C7orf33: variants seen among roughly 807,000 people sequenced by gnomAD.
C7orf33 encodes the protein uncharacterized protein C7orf33.
In C7orf33, 15 loss-of-function variants were observed where a neutral mutation model predicts 13.4. The ratio of observed to expected loss-of-function variants is 1.12; its 90% CI spans 0.75 to 1.72. The LOEUF is 1.72. C7orf33 is among the 40% of genes most tolerant of loss of function. The pLI is 0.00. For missense variants in C7orf33, 187 were observed against 220.3 expected, an observed-to-expected ratio of 0.85 and a Z score of 0.96; for synonymous variants, 73 against 83.2, an observed-to-expected ratio of 0.88 and a Z score of 0.67.
chr7:148,606,613 C>T (rs1585462808), intron 1 of C7orf33, among the ~76,000 whole-genome samples: 2 of 152,184 alleles, frequency 1.3e-5, no homozygotes, highest in East Asian at 3.8e-4. Flanking sequence ...GAGTCTTGCT[C>T]TGTTGCCCAG....
Position 148,590,839 on chromosome 7 carries a change from G to A in C7orf33, c.-87G>A. The A allele has an allele frequency of 1.6e-6, 2 of 1,233,946 alleles. No individual in the cohort carries two copies. The highest frequency in any genetic ancestry group is 2.4e-6 in the Non-Finnish European group (2 of 846,772). The allele number at this position is 1,233,946 out of a possible 1,614,324, so 76.4% of individuals were successfully genotyped here. A position where few individuals can be genotyped will look rare whatever the true frequency, so the allele number is the denominator to read the frequency against. ...TGTCTGAATCCTCCTACTGACCCTG[G>A]GGATCCGTGCGACTTGATCTTAGAT... On this transcript the variant is annotated 5_prime_UTR_variant, in exon 1 of 3. Transcript: ENST00000307003.
intron 1 of C7orf33, among the ~76,000 whole-genome samples, chr7:148,613,341 C>T (rs1796566331): frequency 6.6e-6 from 1 of 152,162 alleles, no homozygotes; most frequent in Admixed American, 6.5e-5. Flanking sequence ...AATATGTGTC[C>T]ACACAAAAGC....
intron 1 of C7orf33, among the ~76,000 whole-genome samples, chr7:148,595,936 T>C (rs1435797615): frequency 6.6e-6 from 1 of 151,496 alleles, no homozygotes; most frequent in African/African-American, 2.4e-5. Flanking sequence ...TTAACCATGA[T>C]CACAGATTAC....
rs184505375 is a variant in C7orf33, at chr7:148,614,203, A to T, written c.366A>T (p.Ser122=). ...IRPGTRMGLS[S]DPVVGTLSSS... ...CAGGCACCAGGATGGGCTTGTCCTC[A>T]GATCCAGTTGTCGGCACCTTGTCTT... Residue 122 remains serine, a synonymous_variant, in exon 2 of 3, where the codon TCA becomes TCT. Coordinates refer to ENST00000307003, the MANE Select transcript of C7orf33 (RefSeq NM_145304.4). 1 of 1,614,212 alleles carries T rather than the reference A, an allele frequency of 6.2e-7. No individual in the cohort carries two copies. Among genetic ancestry groups the T allele is most frequent in the Admixed American group, 1.7e-5 (1 of 60,022 alleles).
At chr7:148,595,407 TAG>T (rs1796320023) in intron 1 of C7orf33, among the ~76,000 whole-genome samples, 1 of 116,418 alleles carries the variant, frequency 8.6e-6, no homozygotes, top group Admixed American at 9.1e-5. Context: ...ATAGATAATA[TAG>T]ATCTATATTA....
At chr7:148,598,020 A>G (rs1796362301) in intron 1 of C7orf33, among the ~76,000 whole-genome samples, 1 of 152,116 alleles carries the variant, frequency 6.6e-6, no homozygotes, top group Admixed American at 6.5e-5. Context: ...CTCCAAAAGT[A>G]TTGGGATTAC....
In C7orf33 at chr7:148,610,008, T is replaced by A. The variant is rs114442036; in HGVS notation, c.205-4034T>A. Among the ~76,000 whole-genome samples the A allele has an allele frequency of 1.4e-3, 217 of 152,290 alleles. 2 individuals are homozygous for A. The highest frequency in any genetic ancestry group is 5.1e-3 in the African/African-American group (211 of 41,562). The stretch of plus-strand genomic sequence containing the variant: ...GCCTGATCCCAAATCCATTCTGAGC[T>A]GAGGCACTGTGTAACATCAGCAAAC... On this transcript the variant is annotated intron_variant, in intron 1 of 2. Coordinates refer to ENST00000307003, the MANE Select transcript of C7orf33 (RefSeq NM_145304.4).
chr7:148,598,763 T>TAGAGAG (rs774619392), intron 1 of C7orf33, among the ~76,000 whole-genome samples: 20 of 26,196 alleles, frequency 7.6e-4, no homozygotes, highest in South Asian at 2.0e-3. Flanking sequence ...TATATATATA[T>TAGAGAG]AGAGAGAGAG....
rs73480324 is a variant in C7orf33, at chr7:148,598,571, A to G, written c.204+7442A>G. 8.7e-3 allele frequency among the ~76,000 whole-genome samples: 1,314 copies of G among 151,378 alleles called. 17 individuals are homozygous for G. The highest frequency in any genetic ancestry group is 0.03 in the African/African-American group (1,253 of 41,286). ...TGTTGCATAATAAAGTTAATCTACA[A>G]CATTCTGGTGCAAGTTCTTCCTTCT... On this transcript the variant is annotated intron_variant, in intron 1 of 2. Coordinates refer to ENST00000307003, the MANE Select transcript of C7orf33 (RefSeq NM_145304.4).
At chr7:148,613,386 C>G (rs1020616112) in intron 1 of C7orf33, among the ~76,000 whole-genome samples, 7 of 152,168 alleles carry the variant, frequency 4.6e-5, no homozygotes, top group African/African-American at 1.7e-4. Flanking sequence ...CAGCATTATT[C>G]ATAATACTCA....
chr7:148,611,663 G>A (rs1796545159), intron 1 of C7orf33, among the ~76,000 whole-genome samples: 1 of 152,232 alleles, frequency 6.6e-6, no homozygotes, highest in African/African-American at 2.4e-5. Context: ...GGGAACAGAG[G>A]CTGTCACACT....
chr7:148,608,653 A>G (rs2116900943), intron 1 of C7orf33, among the ~76,000 whole-genome samples: 1 of 151,940 alleles, frequency 6.6e-6, no homozygotes, highest in East Asian at 1.9e-4. Context: ...CGTCTCTACT[A>G]AAAATGCAAT....
chr7:148,605,659 G>T (rs1483153499), intron 1 of C7orf33, among the ~76,000 whole-genome samples: 1 of 152,168 alleles, frequency 6.6e-6, no homozygotes, highest in African/African-American at 2.4e-5. Flanking sequence ...CAGAACCAGT[G>T]CAGAGCCCCC....
Position 148,591,114 on chromosome 7 carries a change from C to G in C7orf33, c.189C>G (p.Ala63=). 6.2e-7 allele frequency: 1 copy of G among 1,613,316 alleles called. No homozygotes were observed. Among genetic ancestry groups the G allele is most frequent in the South Asian group, 1.1e-5 (1 of 90,918 alleles). ...CAGGTCAATTTAACTTGTCATATGC[C>G]ACGGGAAGACATAAGGTAAGTTAAT... ...GGPGQFNLSY[A]TGRHKKPNPH... is the part of the protein sequence containing the mutation. Residue 63 remains alanine (A), a synonymous_variant, in exon 1 of 3, where the codon GCC becomes GCG. Coordinates refer to ENST00000307003, the MANE Select transcript of C7orf33 (RefSeq NM_145304.4).
intron 1 of C7orf33, among the ~76,000 whole-genome samples, chr7:148,613,834 G>C (rs6965357): frequency 6.6e-6 from 1 of 151,972 alleles, no homozygotes; most frequent in Non-Finnish European, 1.5e-5. Flanking sequence ...AATTAAAATG[G>C]TGTGTTTTAA....
At chr7:148,598,781 G>T (rs1265206878) in intron 1 of C7orf33, among the ~76,000 whole-genome samples, 312 of 123,200 alleles carry the variant, frequency 2.5e-3, no homozygotes, top group Non-Finnish European at 3.6e-3. Context: ...GAGAGAGAGA[G>T]AGAGAGAGAG....
intron 1 of C7orf33, among the ~76,000 whole-genome samples, chr7:148,608,953 C>T (rs975761889): frequency 6.6e-6 from 1 of 152,118 alleles, no homozygotes; most frequent in Non-Finnish European, 1.5e-5. Flanking sequence ...GTGGAAAGGC[C>T]TCTTTTGGAA....
At chr7:148,591,212 T>C in intron 1 of C7orf33, 83 bp downstream of exon 1, 11 of 1,151,170 alleles carry the variant, frequency 9.6e-6, no homozygotes, top group Middle Eastern at 2.2e-4. Context: ...AATCCATGAA[T>C]GTTTTTGACT....
intron 1 of C7orf33, among the ~76,000 whole-genome samples, chr7:148,605,068 C>A (rs1270428353): frequency 6.6e-6 from 1 of 152,070 alleles, no homozygotes; most frequent in East Asian, 1.9e-4. Flanking sequence ...CCCATTTCTA[C>A]TAGAAATACA....
Sources: allele counts gnomAD v4.1 joint callset (sites outside exome capture counted in the v4.1 genomes callset), GRCh38; gene constraint gnomAD v4.1.1; transcripts MANE v1.5; gene names NCBI Gene and HGNC (gene_info 2026-07-23, HGNC 2026-07-21).